The following RNF10 variants were observed in gnomAD, a reference collection of about 807,000 sequenced individuals.
RNF10 encodes the protein ring finger protein 10, also known as E3 ubiquitin-protein ligase RNF10.
Under a neutral mutation model 91.4 loss-of-function variants are expected in RNF10, and 38 were observed. That is an observed-to-expected ratio of 0.42 (90% CI 0.32 to 0.54). RNF10 has a LOEUF of 0.54. Among genes scored for constraint, RNF10 ranks in the 20% least tolerant of loss-of-function variants. The pLI is 0.16. For synonymous variants in RNF10, 364 were observed against 366.3 expected (o/e 0.99, Z 0.07); for missense variants, 945 against 1,012.0 (o/e 0.93, Z 0.90).
intron 16 of RNF10, among the ~76,000 whole-genome samples, chr12:120,576,285 A>G (rs1271080448): frequency 6.6e-6 from 1 of 152,188 alleles, no homozygotes; most frequent in Non-Finnish European, 1.5e-5. Context: ...CACTCTGTTC[A>G]TGACTAGACA....
Position 120,537,257 on chromosome 12 carries a change from G to A in RNF10, c.157+2289G>A, listed in dbSNP as rs371457131. Among the ~76,000 whole-genome samples the A allele has an allele frequency of 6.6e-5, 10 of 152,084 alleles. No individual in the cohort carries two copies. The South Asian group carries it at 8.3e-4, about 13-fold the overall frequency. ...AAACCCAGAAGTTCGAGGTTGCAGT[G>A]AGCCACGATCACTCCACTGCACTCT... On this transcript the variant is annotated intron_variant, in intron 1 of 16. Transcript: ENST00000325954.
Position 120,563,364 on chromosome 12 carries a change from G to T in RNF10, c.1272G>T (p.Leu424=), listed in dbSNP as rs775210109. The change falls in exon 9 of 17, where the codon CTG becomes CTT. Residue 424 remains leucine, a synonymous_variant. Coordinates refer to ENST00000325954, the MANE Select transcript of RNF10 (RefSeq NM_014868.5). The stretch of plus-strand genomic sequence containing the variant: ...TGCAACAGGGTGTGCTGGAGTATCT[G>T]TCTGCCTTCGATGAAGAAACCACGG... ...FQPRKGVLEY[L]SAFDEETTEV... The T allele has an allele frequency of 6.2e-7, 1 of 1,612,140 alleles. No homozygotes were observed. The highest frequency in any genetic ancestry group is 1.3e-5 in the African/African-American group (1 of 74,896).
chr12:120,542,101 C>G (rs1318333268), intron 1 of RNF10, among the ~76,000 whole-genome samples: 2 of 151,920 alleles, frequency 1.3e-5, no homozygotes, highest in Non-Finnish European at 1.5e-5. Flanking sequence ...CTCCTGACCT[C>G]GTGATCCACC....
At position 120,534,901 on chromosome 12, in the gene RNF10, C is replaced by G; in HGVS notation, c.90C>G (p.Ser30Arg). The G allele has an allele frequency of 6.2e-7, 1 of 1,607,792 alleles. No individual in the cohort carries two copies. Residue 30 changes from serine (S) to arginine (R), a missense_variant, in exon 1 of 17, where the codon AGC becomes AGG. Transcript: ENST00000325954. ...ACAGCTCCTCCGCCTCTTCGGGCAGCAGCAAAGGGCAACAGCCGCCCCGCT... is the reference window on the plus strand; with the variant it reads ...ACAGCTCCTCCGCCTCTTCGGGCAGGAGCAAAGGGCAACAGCCGCCCCGCT... Reference protein sequence around the residue: ...GSNSSSASSGSSKGQQPPRSA... With the variant: ...GSNSSSASSGRSKGQQPPRSA...
At position 120,575,714 on chromosome 12, in the gene RNF10, G is replaced by A. The variant is rs150118608; in HGVS notation, c.2200+26G>A. ...GTGAGGATGGTCCACTGGTGAAGGG[G>A]GAGTTTGGCTTCTTTCCATAAAAGG... On this transcript the variant is annotated intron_variant, in intron 15 of 16. Coordinates refer to ENST00000325954, the MANE Select transcript of RNF10 (RefSeq NM_014868.5). 244 of 1,614,144 alleles carry A rather than the reference G, an allele frequency of 1.5e-4. 2 individuals carry two copies. In the African/African-American group the frequency reaches 2.9e-3, roughly 19 times the overall value.
At chr12:120,546,805 G>T (rs2137154943) in intron 2 of RNF10, among the ~76,000 whole-genome samples, 1 of 152,260 alleles carries the variant, frequency 6.6e-6, no homozygotes, top group Middle Eastern at 3.4e-3. Context: ...TTTCTTTGGA[G>T]GAAGGAAAAT....
rs1046107816 is a variant in RNF10 at position 120,554,525 on chromosome 12, C to T, written c.555-193C>T. The T allele has an allele frequency of 4.9e-5, 27 of 552,630 alleles. 1 individual carries two copies. The Admixed American group carries it at 8.5e-4, about 17-fold the overall frequency. The allele number at this position is 552,630 out of a possible 1,614,324, so 34.2% of individuals were successfully genotyped here. A position where few individuals can be genotyped will look rare whatever the true frequency, so the allele number is the denominator to read the frequency against. ...GAAAACAGTTCATGGATTTAGACTT[C>T]TGCCTGCTGAGTCTTTGGGTTCTTT... On this transcript the variant is annotated intron_variant, in intron 3 of 16. Coordinates refer to ENST00000325954, the MANE Select transcript of RNF10 (RefSeq NM_014868.5).
chr12:120,569,336 A>C (rs932226097), intron 13 of RNF10, among the ~76,000 whole-genome samples: 1 of 149,934 alleles, frequency 6.7e-6, no homozygotes, highest in Non-Finnish European at 1.5e-5. Context: ...GAATATTTAA[A>C]ACTTGTGGTG....
chr12:120,535,181 G>C (rs1485577536), intron 1 of RNF10, among the ~76,000 whole-genome samples: 1 of 152,176 alleles, frequency 6.6e-6, no homozygotes, highest in Non-Finnish European at 1.5e-5. Context: ...AAAACTGCTC[G>C]ATTAAGCAGG....
chr12:120,560,658 T>A lies in RNF10; in HGVS notation c.968-68T>A, dbSNP rs1488386929. Reference sequence around the variant, plus strand: ...CAGAGAAAAGGCTGTATTTGAAAATTCCTATTTAGCTACACCATCGTGAGC... The same window carrying A: ...CAGAGAAAAGGCTGTATTTGAAAATACCTATTTAGCTACACCATCGTGAGC... On this transcript the variant is annotated intron_variant, in intron 6 of 16. Coordinates refer to ENST00000325954, the MANE Select transcript of RNF10 (RefSeq NM_014868.5). 2.0e-6 allele frequency: 3 copies of A among 1,482,652 alleles called. No individual in the cohort carries two copies. In the African/African-American group the frequency reaches 4.2e-5, roughly 21 times the overall value. The allele number at this position is 1,482,652 out of a possible 1,614,324, so 91.8% of individuals were successfully genotyped here.
Position 120,541,560 on chromosome 12 carries a change from G to A in RNF10, c.158-4845G>A, listed in dbSNP as rs7966798. Among the ~76,000 whole-genome samples, 609 of 151,132 alleles carry A rather than the reference G, an allele frequency of 4.0e-3. 7 individuals carry two copies. The highest frequency in any genetic ancestry group is 0.014 in the African/African-American group (565 of 41,176). On this transcript the variant is annotated intron_variant, in intron 1 of 16. Transcript: ENST00000325954. Reference sequence around the variant, plus strand: ...CGCCATTCTCCTGCCTCAGCCTCCCGAGCAGCTGGGACTACAGGCGCCCGC... The same window carrying A: ...CGCCATTCTCCTGCCTCAGCCTCCCAAGCAGCTGGGACTACAGGCGCCCGC...
At position 120,566,720 on chromosome 12, in the gene RNF10, C is replaced by T. The variant is rs1030274556; in HGVS notation, c.1886-105C>T. The stretch of plus-strand genomic sequence containing the variant: ...GAGGATGCAGTGAACAGAGATCGTA[C>T]CACTACACTCCAGCCTGGGTGACAG... On this transcript the variant is annotated intron_variant, in intron 12 of 16. Coordinates refer to ENST00000325954, the MANE Select transcript of RNF10 (RefSeq NM_014868.5). 2.8e-6 allele frequency: 3 copies of T among 1,059,532 alleles called. No homozygotes were observed. The African/African-American group carries it at 4.9e-5, about 17-fold the overall frequency. 65.6% of individuals were successfully genotyped at this position (1,059,532 alleles called of 1,614,324 possible). A position where few individuals can be genotyped will look rare whatever the true frequency, so the allele number is the denominator to read the frequency against.
intron 8 of RNF10, 108 bp downstream of exon 8, chr12:120,563,178 A>C (rs756339801): frequency 4.0e-5 from 61 of 1,536,406 alleles, no homozygotes; most frequent in Non-Finnish European, 5.4e-5. Flanking sequence ...GGGGACAATG[A>C]GTATTTTCTG....
intron 7 of RNF10, among the ~76,000 whole-genome samples, chr12:120,561,435 A>G (rs150896248): frequency 6.6e-6 from 1 of 152,280 alleles, no homozygotes; most frequent in African/African-American, 2.4e-5. Flanking sequence ...TATTGATTGC[A>G]TAGGTTAAGC....
chr12:120,575,400 C>G, intron 14 of RNF10: 1 of 535,002 alleles, frequency 1.9e-6, no homozygotes, highest in Admixed American at 3.3e-5. Context: ...TACCCATTTC[C>G]TAAGGAACAA....
At chr12:120,549,917 T>C (rs895320304) in intron 2 of RNF10, among the ~76,000 whole-genome samples, 23 of 152,158 alleles carry the variant, frequency 1.5e-4, no homozygotes, top group African/African-American at 4.8e-4. Context: ...TAAAGAATTG[T>C]TGGAGTCAGG....
chr12:120,547,157 A>T (rs923374547), intron 2 of RNF10, among the ~76,000 whole-genome samples: 2 of 151,894 alleles, frequency 1.3e-5, no homozygotes, highest in African/African-American at 4.8e-5. Context: ...TAAGACAGAT[A>T]AAAAAAATAT....
In RNF10 at chr12:120,540,024, G is replaced by A. The variant is rs540624655; in HGVS notation, c.157+5056G>A. On this transcript the variant is annotated intron_variant, in intron 1 of 16. Coordinates refer to ENST00000325954, the MANE Select transcript of RNF10 (RefSeq NM_014868.5). ...TAATTTTTGTATTTTTAGTAGAGAT[G>A]GGTTTCGCCATGTTGGCCAGGCTGG... Among the ~76,000 whole-genome samples, 13 of 151,172 alleles carry A rather than the reference G, an allele frequency of 8.6e-5. No individual in the cohort carries two copies. The East Asian group carries it at 2.5e-3, about 29-fold the overall frequency.
At chr12:120,557,210 A>G (rs1874179172) in intron 4 of RNF10, 72 bp from the exon 5 acceptor site, 2 of 1,352,846 alleles carry the variant, frequency 1.5e-6, no homozygotes, top group African/African-American at 2.9e-5. Context: ...GAGAGAGTAG[A>G]GAGGCCTAAA....
Sources: gnomAD v4.1 joint callset for allele counts (sites outside exome capture counted in the v4.1 genomes callset) on GRCh38, gnomAD v4.1.1 for gene constraint, MANE v1.5 for transcripts, NCBI Gene and HGNC (gene_info 2026-07-23, HGNC 2026-07-21) for gene names.